GCN1: variants seen among roughly 807,000 people sequenced by gnomAD.
GCN1 encodes GCN1 activator of EIF2AK4, also known as stalled ribosome sensor GCN1.
A neutral mutation model predicts 288.4 loss-of-function variants in GCN1; 90 were observed. That is an observed-to-expected ratio of 0.31 (90% CI 0.26 to 0.37). The LOEUF (loss-of-function observed/expected upper bound fraction) is 0.37. Ranked by LOEUF, GCN1 falls within the 10% of genes least tolerant of loss-of-function variation. GCN1 has a pLI of 1.00. For missense variants in GCN1, 2,586 were observed against 3,419.9 expected (o/e 0.76, Z 6.08); for synonymous variants, 1,386 against 1,420.2 (o/e 0.98, Z 0.54).
chr12:120,148,067 G>T, intron 37 of GCN1, 100 bp downstream of exon 37: 1 of 812,902 alleles, frequency 1.2e-6, no homozygotes, highest in Non-Finnish European at 2.0e-6. Flanking sequence ...TGTCCTCGGA[G>T]GCAAAGATCT....
At position 120,184,218 on chromosome 12, in the gene GCN1, G is replaced by C. The variant is rs756878467; in HGVS notation, c.211C>G (p.Gln71Glu). 10 of 1,613,616 alleles carry C rather than the reference G, an allele frequency of 6.2e-6. No homozygotes were observed. In the East Asian group the frequency reaches 2.0e-4, roughly 32 times the overall value. The change falls in exon 4 of 58, where the codon CAG becomes GAG. Residue 71 changes from glutamine to glutamate, a missense_variant. By Grantham distance (29) the Gln-to-Glu change is conservative. Coordinates refer to ENST00000300648, the MANE Select transcript of GCN1 (RefSeq NM_006836.2). ...TCAGCCAACTGCTGGATGGCTGCCTGCAAGGCCCTGCGGGAGGCTGCATCT... is the reference window on the plus strand; with the variant it reads ...TCAGCCAACTGCTGGATGGCTGCCTCCAAGGCCCTGCGGGAGGCTGCATCT... ...YRDAASRRAL[Q>E]AAIQQLAEAQ...
At chr12:120,180,613 C>A (rs988989050) in intron 5 of GCN1, among the ~76,000 whole-genome samples, 2 of 150,796 alleles carry the variant, frequency 1.3e-5, no homozygotes, top group Non-Finnish European at 3.0e-5. Flanking sequence ...CAAAAAAAAA[C>A]AAACAAAAAT....
At chr12:120,182,097 C>T (rs1251210954) in intron 5 of GCN1, among the ~76,000 whole-genome samples, 2 of 151,032 alleles carry the variant, frequency 1.3e-5, no homozygotes, top group South Asian at 2.1e-4. Flanking sequence ...TGCAGTGAGC[C>T]GAGATTGCGC....
intron 2 of GCN1, among the ~76,000 whole-genome samples, chr12:120,186,580 A>C (rs1426165903): frequency 2.6e-5 from 4 of 152,186 alleles, no homozygotes; most frequent in Non-Finnish European, 5.9e-5. Flanking sequence ...CACCTGAATG[A>C]TGGAAGAGAA....
At position 120,149,618 on chromosome 12, in the gene GCN1, G is replaced by C; in HGVS notation, c.4534C>G (p.Arg1512Gly). The C allele has an allele frequency of 6.2e-7, 1 of 1,612,146 alleles. No homozygotes were observed. The highest frequency in any genetic ancestry group is 8.5e-7 in the Non-Finnish European group (1 of 1,178,490). ...CGAGTGGTCTTACCAGCTTTGGTCC[G>C]CCACGATTCCTCCTCCAGGGCAGCC... Reference protein sequence around the residue: ...LLAALEEESWRTKAGSVELLG... With the variant: ...LLAALEEESWGTKAGSVELLG... Residue 1512 changes from arginine (R) to glycine (G), a missense_variant, in exon 36 of 58, where the codon CGG (arginine) becomes GGG (glycine). Transcript: ENST00000300648.
At chr12:120,130,011 G>A (rs1007034314) in intron 56 of GCN1, among the ~76,000 whole-genome samples, 17 of 152,192 alleles carry the variant, frequency 1.1e-4, no homozygotes, top group Non-Finnish European at 1.9e-4. Context: ...CAGAAACTCC[G>A]TGGGTTCCCG....
In GCN1 at chr12:120,163,062, C is replaced by T. The variant is rs1481558438; in HGVS notation, c.2038+8G>A. On this transcript the variant is annotated splice_region_variant and intron_variant, in intron 19 of 57. Coordinates refer to ENST00000300648, the MANE Select transcript of GCN1 (RefSeq NM_006836.2). The stretch of plus-strand genomic sequence containing the variant: ...CTGGGCTCTCCCACACCCACCGCAG[C>T]CACGGACCTAAGGATGGGTGGTGGG... 6.2e-7 allele frequency: 1 copy of T among 1,613,782 alleles called. No individual in the cohort carries two copies. The highest frequency in any genetic ancestry group is 8.5e-7 in the Non-Finnish European group (1 of 1,179,642).
Position 120,149,686 on chromosome 12 carries a change from T to C in GCN1, c.4466A>G (p.Asn1489Ser). The C allele has an allele frequency of 6.2e-7, 1 of 1,613,964 alleles. No individual in the cohort carries two copies. Among genetic ancestry groups the C allele is most frequent in the Non-Finnish European group, 8.5e-7 (1 of 1,179,916 alleles). The change falls in exon 36 of 58, where the codon AAC becomes AGC. Residue 1489 changes from asparagine (N) to serine (S), a missense_variant. Transcript: ENST00000300648. ...ADDCAKAVMS[N>S]LSAHGVKLVL... ...CAGCTTCACCCCGTGAGCACTCAAG[T>C]TGCTCATCACAGCCTTGGCACAGTC...
At chr12:120,128,172 T>C (rs1876679577) in intron 57 of GCN1, among the ~76,000 whole-genome samples, 198 bp from the exon 58 acceptor site, 1 of 152,230 alleles carries the variant, frequency 6.6e-6, no homozygotes, top group East Asian at 1.9e-4. Flanking sequence ...TCCCTTTTTC[T>C]TAGAAACAGA....
intron 15 of GCN1, 188 bp from the exon 16 acceptor site, chr12:120,168,488 G>C (rs1042020274): frequency 1.3e-5 from 7 of 534,738 alleles, no homozygotes; most frequent in Non-Finnish European, 1.7e-5. Flanking sequence ...GAAACTCTTC[G>C]GTGGCTCTCT....
intron 33 of GCN1, among the ~76,000 whole-genome samples, chr12:120,152,655 ACAC>A (rs1877603298): frequency 7.2e-6 from 1 of 138,546 alleles, no homozygotes; most frequent in Admixed American, 7.4e-5. Flanking sequence ...ACACACACAC[ACAC>A]AAAATATATA....
chr12:120,133,084 A>G (rs1320439507), intron 53 of GCN1, among the ~76,000 whole-genome samples: 1 of 152,238 alleles, frequency 6.6e-6, no homozygotes, highest in African/African-American at 2.4e-5. Flanking sequence ...GTCTGTCCCC[A>G]CAGAGAAGGC....
rs756090032 is a variant in GCN1 at position 120,129,315 on chromosome 12, G to C, written c.7851C>G (p.Val2617=). 1 of 1,614,188 alleles carries C rather than the reference G, an allele frequency of 6.2e-7. No homozygotes were observed. ...CACCCTGCCGCATCTTGAGGAGGTT[G>C]ACAATTGCCTGGTCGCTGTAGGCCC... ...VVRAYSDQAI[V]NLLKMRQGEE... The change falls in exon 57 of 58, where the codon GTC becomes GTG. Residue 2617 remains valine, a synonymous_variant. Coordinates refer to ENST00000300648, the MANE Select transcript of GCN1 (RefSeq NM_006836.2).
intron 2 of GCN1, among the ~76,000 whole-genome samples, chr12:120,188,544 GA>G (rs1878902728): frequency 6.6e-6 from 1 of 151,702 alleles, no homozygotes; most frequent in Non-Finnish European, 1.5e-5. Flanking sequence ...CACAGATTGG[GA>G]AAAATGATAT....
chr12:120,168,491 G>A (rs1305793067), intron 15 of GCN1, 191 bp from the exon 16 acceptor site: 1 of 533,434 alleles, frequency 1.9e-6, no homozygotes. Flanking sequence ...ACTCTTCGGT[G>A]GCTCTCTGCT....
chr12:120,184,710 C>T (rs931114335), intron 3 of GCN1, 114 bp downstream of exon 3: 26 of 783,892 alleles, frequency 3.3e-5, no homozygotes, highest in Non-Finnish European at 5.2e-5. Context: ...TAGGATGTGA[C>T]ATAGCCCAGA....
At chr12:120,159,602 A>C (rs1453885023) in intron 24 of GCN1, among the ~76,000 whole-genome samples, 1 of 152,110 alleles carries the variant, frequency 6.6e-6, no homozygotes, top group African/African-American at 2.4e-5. Flanking sequence ...TCTAAAACCT[A>C]CTCCTCAGAG....
intron 42 of GCN1, among the ~76,000 whole-genome samples, chr12:120,143,588 G>GTAA (rs1877267267): frequency 2.5e-5 from 3 of 119,570 alleles, no homozygotes; most frequent in East Asian, 4.4e-4. Flanking sequence ...TCTCAAAAAG[G>GTAA]AAAAAAAAAA....
chr12:120,159,157 G>C (rs1877848124), intron 24 of GCN1, among the ~76,000 whole-genome samples: 1 of 152,132 alleles, frequency 6.6e-6, no homozygotes, highest in Non-Finnish European at 1.5e-5. Context: ...AGGAGACAAG[G>C]GCCACCAAAG....
Sources: gnomAD v4.1 joint callset for allele counts (sites outside exome capture counted in the v4.1 genomes callset) on GRCh38, gnomAD v4.1.1 for gene constraint, MANE v1.5 for transcripts, NCBI Gene and HGNC (gene_info 2026-07-23, HGNC 2026-07-21) for gene names.